The following GPC6 variants were observed in gnomAD, a reference collection of about 807,000 sequenced individuals.
GPC6 encodes glypican-6.
GPC6 carries 14 observed loss-of-function variants against 55.2 expected under a neutral mutation model. That is an observed-to-expected ratio of 0.25 (90% confidence interval 0.17 to 0.40). The LOEUF is 0.40. GPC6 is among the 10% of genes least tolerant of loss of function. The probability of loss-of-function intolerance (pLI) is 1.00; values close to 1 mark genes in which losing one functional copy is unlikely to be tolerated. For synonymous variants in GPC6, 278 were observed against 259.6 expected (o/e 1.07, Z -0.68); for missense variants, 641 against 708.5 (o/e 0.90, Z 1.08).
chr13:94,290,185 G>C (rs1328108052), intron 5 of GPC6, among the ~76,000 whole-genome samples: 1 of 152,084 alleles, frequency 6.6e-6, no homozygotes, highest in Non-Finnish European at 1.5e-5. Flanking sequence ...ATTTTGGGAG[G>C]CCGAGGCAGG....
intron 2 of GPC6, among the ~76,000 whole-genome samples, chr13:93,645,829 A>T (rs993209079): frequency 8.5e-5 from 13 of 152,256 alleles, no homozygotes; most frequent in Admixed American, 2.0e-4. Flanking sequence ...GTCTTACTGT[A>T]GAGTGTCTGT....
At chr13:94,190,309 G>GA (rs60188375) in intron 4 of GPC6, among the ~76,000 whole-genome samples, 142 of 145,620 alleles carry the variant, frequency 9.8e-4, no homozygotes, top group Non-Finnish European at 8.8e-4. Context: ...GCAAGACTCT[G>GA]AAAAAAAAAA....
intron 2 of GPC6, among the ~76,000 whole-genome samples, chr13:93,827,165 A>G (rs1204447083): frequency 1.3e-5 from 2 of 152,190 alleles, no homozygotes; most frequent in East Asian, 1.9e-4. Context: ...GACTTTATCC[A>G]ATGTGTGCTT....
chr13:94,369,293 T>C (rs1005376473), intron 6 of GPC6, among the ~76,000 whole-genome samples: 6 of 152,054 alleles, frequency 3.9e-5, no homozygotes, highest in African/African-American at 1.5e-4. Context: ...CCAGAGATGA[T>C]TGAGGGAAAA....
rs554367727 is a variant in GPC6 at position 93,773,689 on chromosome 13, T to C, written c.320-56465T>C. Among the ~76,000 whole-genome samples, 5 of 152,242 alleles carry C rather than the reference T, an allele frequency of 3.3e-5. No homozygotes were observed. In the East Asian group the frequency reaches 7.7e-4, roughly 24 times the overall value. On this transcript the variant is annotated intron_variant, in intron 2 of 8. Coordinates refer to ENST00000377047, the MANE Select transcript of GPC6 (RefSeq NM_005708.5). ...TGCCCTTTGATTTGGCAACTCCTTT[T>C]CAAAATATTATCTGTGATTTTCATA...
intron 1 of GPC6, among the ~76,000 whole-genome samples, chr13:93,489,195 C>T (rs1375667135): frequency 1.3e-5 from 2 of 151,474 alleles, no homozygotes; most frequent in South Asian, 2.1e-4. Context: ...ATATGGCTAG[C>T]CAGTTTTCCC....
chr13:94,082,532 A>G (rs1206570363), intron 4 of GPC6, among the ~76,000 whole-genome samples: 8 of 151,980 alleles, frequency 5.3e-5, no homozygotes, highest in Admixed American at 1.3e-4. Flanking sequence ...AACTTAACCA[A>G]CGCTTCAGAT....
chr13:94,238,576 C>A (rs934224808), intron 4 of GPC6, among the ~76,000 whole-genome samples: 7 of 152,142 alleles, frequency 4.6e-5, no homozygotes, highest in African/African-American at 1.4e-4. Flanking sequence ...GACTCAGACA[C>A]AGGATAAGTC....
chr13:93,696,320 G>T (rs928875724), intron 2 of GPC6, among the ~76,000 whole-genome samples: 1 of 150,296 alleles, frequency 6.7e-6, no homozygotes, highest in Non-Finnish European at 1.5e-5. Flanking sequence ...TGCTTTTAAC[G>T]AAAGTTAAAA....
chr13:93,233,183 C>T (rs1255778506), intron 1 of GPC6, among the ~76,000 whole-genome samples: 1 of 152,040 alleles, frequency 6.6e-6, no homozygotes, highest in Non-Finnish European at 1.5e-5. Flanking sequence ...TTTGAAAGTA[C>T]TATTGACTCC....
At chr13:93,435,139 T>C (rs1008900343) in intron 1 of GPC6, among the ~76,000 whole-genome samples, 3 of 151,592 alleles carry the variant, frequency 2.0e-5, no homozygotes, top group Admixed American at 6.6e-5. Context: ...TTTGGAGACA[T>C]GGTCTCACTC....
chr13:94,358,189 C>T (rs1878889072), intron 6 of GPC6, among the ~76,000 whole-genome samples: 1 of 150,990 alleles, frequency 6.6e-6, no homozygotes, highest in African/African-American at 2.4e-5. Flanking sequence ...ACTCAGGAGG[C>T]TGAGACAGGA....
chr13:93,832,944 T>A (rs1887574908), intron 3 of GPC6, among the ~76,000 whole-genome samples: 1 of 152,172 alleles, frequency 6.6e-6, no homozygotes. Flanking sequence ...GAAAGTTAAC[T>A]GTTCCTTGCA....
chr13:93,869,443 C>T (rs970588152), intron 3 of GPC6, among the ~76,000 whole-genome samples: 1 of 151,790 alleles, frequency 6.6e-6, no homozygotes, highest in Non-Finnish European at 1.5e-5. Flanking sequence ...ATTTGAAACA[C>T]AAAAATCCTC....
chr13:93,510,807 T>C (rs1880926694), intron 1 of GPC6, among the ~76,000 whole-genome samples: 1 of 150,762 alleles, frequency 6.6e-6, no homozygotes, highest in Non-Finnish European at 1.5e-5. Context: ...ACCAACATGT[T>C]ATTTTGTCTT....
intron 3 of GPC6, among the ~76,000 whole-genome samples, chr13:93,909,373 A>T (rs2140334035): frequency 6.6e-6 from 1 of 152,324 alleles, no homozygotes; most frequent in South Asian, 2.1e-4. Flanking sequence ...TCGTTAAGTG[A>T]AGAAAATAAG....
chr13:94,134,996 G>T (rs1887131928), intron 4 of GPC6, among the ~76,000 whole-genome samples: 4 of 152,082 alleles, frequency 2.6e-5, no homozygotes, highest in Admixed American at 2.6e-4. Flanking sequence ...AGAAACATTG[G>T]CACTAACACA....
intron 3 of GPC6, among the ~76,000 whole-genome samples, chr13:93,880,037 A>T (rs1874861752): frequency 6.6e-6 from 1 of 151,570 alleles, no homozygotes; most frequent in Admixed American, 6.6e-5. Context: ...AGCAGTTAGA[A>T]TGGCAATCGT....
chr13:93,926,313 A>C (rs1458711837), intron 3 of GPC6, among the ~76,000 whole-genome samples: 2 of 152,194 alleles, frequency 1.3e-5, no homozygotes, highest in Admixed American at 1.3e-4. Context: ...CATGCTCCAC[A>C]CATAAACCAT....
Sources: gnomAD v4.1 joint callset for allele counts (sites outside exome capture counted in the v4.1 genomes callset) on GRCh38, gnomAD v4.1.1 for gene constraint, MANE v1.5 for transcripts, NCBI Gene and HGNC (gene_info 2026-07-23, HGNC 2026-07-21) for gene names.